The following HIPK2 variants were observed in gnomAD, a reference collection of about 807,000 sequenced individuals.
HIPK2 encodes homeodomain-interacting protein kinase 2.
A neutral mutation model predicts 113.7 loss-of-function variants in HIPK2; 27 were observed. The observed-to-expected ratio is 0.24, with a 90% CI of 0.17 to 0.33. The LOEUF (loss-of-function observed/expected upper bound fraction) is 0.33. Among genes scored for constraint, HIPK2 ranks in the 10% least tolerant of loss-of-function variants. The pLI is 1.00. For missense variants in HIPK2, 1,257 were observed against 1,588.0 expected, an observed-to-expected ratio of 0.79 and a Z score of 3.54; for synonymous variants, 631 against 642.2, an observed-to-expected ratio of 0.98 and a Z score of 0.26.
chr7:139,684,455 G>C (rs1004752763), intron 2 of HIPK2, among the ~76,000 whole-genome samples: 1 of 152,216 alleles, frequency 6.6e-6, no homozygotes, highest in Non-Finnish European at 1.5e-5. Context: ...GGTGGCTCAT[G>C]CCTGTAATCC....
At chr7:139,673,773 C>T (rs890271247) in intron 2 of HIPK2, among the ~76,000 whole-genome samples, 3 of 150,110 alleles carry the variant, frequency 2.0e-5, no homozygotes, top group African/African-American at 7.3e-5. Context: ...TTGGACAGGG[C>T]GTGGTGGCTC....
At chr7:139,651,894 T>A (rs1585329807) in intron 2 of HIPK2, among the ~76,000 whole-genome samples, 1 of 152,210 alleles carries the variant, frequency 6.6e-6, no homozygotes, top group Admixed American at 6.5e-5. Flanking sequence ...ATATAAGACC[T>A]CCGTGGAGAG....
At chr7:139,737,158 T>C (rs1795961056) in intron 1 of HIPK2, among the ~76,000 whole-genome samples, 2 of 152,190 alleles carry the variant, frequency 1.3e-5, no homozygotes, top group Non-Finnish European at 2.9e-5. Context: ...ATGGCTCATA[T>C]AGTATTCCTA....
At chr7:139,665,949 C>CTTTTTTTTTTTTTT (rs375858246) in intron 2 of HIPK2, among the ~76,000 whole-genome samples, 1 of 145,600 alleles carries the variant, frequency 6.9e-6, no homozygotes. Context: ...AGGAGGTCTG[C>CTTTTTTTTTTTTTT]CTTTTTTTTT....
At chr7:139,764,108 G>C (rs1480404451) in intron 1 of HIPK2, among the ~76,000 whole-genome samples, 1 of 152,188 alleles carries the variant, frequency 6.6e-6, no homozygotes, top group Non-Finnish European at 1.5e-5. Context: ...GCATGAGTTT[G>C]ATGTTAATCA....
rs1345600737 is a variant in HIPK2 at position 139,703,893 on chromosome 7, G to A, written c.1103+12039C>T. Among the ~76,000 whole-genome samples the A allele has an allele frequency of 2.0e-3, 127 of 64,148 alleles. 5 individuals carry two copies. The highest frequency in any genetic ancestry group is 7.4e-3 in the African/African-American group (114 of 15,424). The allele number at this position is 64,148 out of a possible 152,430, so 42.1% of individuals were successfully genotyped here. A position where few individuals can be genotyped will look rare whatever the true frequency, so the allele number is the denominator to read the frequency against. On this transcript the variant is annotated intron_variant, in intron 2 of 14. Transcript: ENST00000406875. ...CCAACACCACCACACACACACACAC[G>A]CAACACATACTACACCCAACACATA...
chr7:139,682,757 G>A (rs1300458683), intron 2 of HIPK2, among the ~76,000 whole-genome samples: 8 of 152,216 alleles, frequency 5.3e-5, no homozygotes, highest in South Asian at 2.1e-4. Flanking sequence ...AAGGACCCGC[G>A]TTCCCCTTTC....
At chr7:139,589,404 TAAA>T (rs150232763) in intron 12 of HIPK2, among the ~76,000 whole-genome samples, 51 of 141,966 alleles carry the variant, frequency 3.6e-4, no homozygotes, top group African/African-American at 1.2e-3. Context: ...AATGAGCATT[TAAA>T]AAAAAAAAAA....
intron 7 of HIPK2, among the ~76,000 whole-genome samples, chr7:139,617,615 A>C (rs375722819): frequency 6.6e-6 from 1 of 152,230 alleles, no homozygotes; most frequent in Non-Finnish European, 1.5e-5. Flanking sequence ...CATGTTACCA[A>C]CTGGGTAACC....
At chr7:139,617,895 A>G (rs1800111265) in intron 7 of HIPK2, among the ~76,000 whole-genome samples, 1 of 152,280 alleles carries the variant, frequency 6.6e-6, no homozygotes, top group Non-Finnish European at 1.5e-5. Context: ...TCATGTAGAA[A>G]GCTAGCTACT....
chr7:139,645,284 A>G (rs1022119350), intron 2 of HIPK2, among the ~76,000 whole-genome samples: 1 of 152,214 alleles, frequency 6.6e-6, no homozygotes, highest in African/African-American at 2.4e-5. Flanking sequence ...AGTCTGGGAT[A>G]AAAGACAGAA....
chr7:139,562,864 T>C lies in HIPK2; in HGVS notation c.*10063A>G, dbSNP rs1304957295. On this transcript the variant is annotated 3_prime_UTR_variant, in exon 15 of 15. Coordinates refer to ENST00000406875, the MANE Select transcript of HIPK2 (RefSeq NM_022740.5). ...TTGGTTTGATATATATACACAAACA[T>C]ATATATCAACATCTATCTCTATACA... 1.3e-5 allele frequency: 2 copies of C among 152,260 alleles called. No homozygotes were observed. The highest frequency in any genetic ancestry group is 4.8e-5 in the African/African-American group (2 of 41,468). The allele number at this position is 152,260 out of a possible 1,614,324, so 9.4% of individuals were successfully genotyped here.
chr7:139,691,495 A>G (rs1340089392), intron 2 of HIPK2, among the ~76,000 whole-genome samples: 1 of 152,238 alleles, frequency 6.6e-6, no homozygotes, highest in Non-Finnish European at 1.5e-5. Flanking sequence ...CAAGAGTAAT[A>G]TGTGGCTTGG....
intron 2 of HIPK2, among the ~76,000 whole-genome samples, chr7:139,707,559 T>C (rs1232899462): frequency 6.6e-6 from 1 of 152,192 alleles, no homozygotes; most frequent in Non-Finnish European, 1.5e-5. Flanking sequence ...TAATGAGAGA[T>C]GTTCAAGCTG....
At chr7:139,729,668 C>T (rs760796291) in intron 1 of HIPK2, among the ~76,000 whole-genome samples, 2 of 152,182 alleles carry the variant, frequency 1.3e-5, no homozygotes, top group East Asian at 1.9e-4. Flanking sequence ...TTTAAATAAA[C>T]GTGGTGGGAT....
At chr7:139,720,142 T>C (rs969851916) in intron 1 of HIPK2, among the ~76,000 whole-genome samples, 24 of 152,236 alleles carry the variant, frequency 1.6e-4, no homozygotes, top group African/African-American at 5.1e-4. Flanking sequence ...CTTCACACTC[T>C]TACACTATTC....
intron 2 of HIPK2, among the ~76,000 whole-genome samples, chr7:139,651,139 C>T (rs540196649): frequency 5.3e-5 from 8 of 152,280 alleles, no homozygotes; most frequent in African/African-American, 1.9e-4. Context: ...CCCCCTGATA[C>T]CCAACACATC....
intron 10 of HIPK2, among the ~76,000 whole-genome samples, chr7:139,601,951 T>G (rs1359337266): frequency 1.4e-5 from 2 of 140,832 alleles, no homozygotes; most frequent in African/African-American, 5.3e-5. Flanking sequence ...TATGGCTTCT[T>G]TTTTTTTTTT....
chr7:139,583,923 C>T lies in HIPK2; in HGVS notation c.2859G>A (p.Lys953=), dbSNP rs1585237564. Residue 953 remains lysine (K), a synonymous_variant, in exon 13 of 15, where the codon AAG becomes AAA. Coordinates refer to ENST00000406875, the MANE Select transcript of HIPK2 (RefSeq NM_022740.5). ...CCGTGCAGTGATTCTCCAGGCTCCC[C>T]TTGGTGTCAAAGGCATTGGCATTGT... ...GHNNANAFDT[K]GSLENHCTGN... 1 of 1,614,034 alleles carries T rather than the reference C, an allele frequency of 6.2e-7. No individual in the cohort carries two copies. The highest frequency in any genetic ancestry group is 2.2e-5 in the East Asian group (1 of 44,882).
Sources: gnomAD v4.1 joint callset for allele counts (sites outside exome capture counted in the v4.1 genomes callset) on GRCh38, gnomAD v4.1.1 for gene constraint, MANE v1.5 for transcripts, NCBI Gene and HGNC (gene_info 2026-07-23, HGNC 2026-07-21) for gene names.